DCTN6: variants seen among roughly 807,000 people sequenced by gnomAD.
DCTN6 encodes dynactin 6.
Under a neutral mutation model 25.8 loss-of-function variants are expected in DCTN6, and 15 were observed. That is an observed-to-expected ratio of 0.58 (90% CI 0.39 to 0.89). The LOEUF (loss-of-function observed/expected upper bound fraction) is 0.89, where lower values mean the gene tolerates loss of function less well. DCTN6 is among the 40% of genes least tolerant of loss of function. The pLI, the probability that DCTN6 is intolerant of heterozygous loss-of-function variation, is 0.00. For missense variants in DCTN6, 198 were observed against 237.6 expected (o/e 0.83, Z 1.09); for synonymous variants, 64 against 78.3 (o/e 0.82, Z 0.96).
chr8:30,169,891 G>A (rs1232897111), intron 2 of DCTN6, among the ~76,000 whole-genome samples: 1 of 152,200 alleles, frequency 6.6e-6, no homozygotes, highest in African/African-American at 2.4e-5. Context: ...AAGTTCACCA[G>A]GCCAGAGGCG....
chr8:30,175,132 G>C lies in DCTN6; in HGVS notation c.136G>C (p.Gly46Arg). ...TAAAGCAAGAATTATTGCGGAAGCCGGGCCAATAGTGATTGGCGAAGGGAA... is the reference window on the plus strand; with the variant it reads ...TAAAGCAAGAATTATTGCGGAAGCCCGGCCAATAGTGATTGGCGAAGGGAA... ...HPKARIIAEA[G>R]PIVIGEGNLI... is the part of the protein sequence containing the mutation. The change falls in exon 3 of 7, where the codon GGG becomes CGG. Residue 46 changes from glycine (G) to arginine (R), a missense_variant. By Grantham distance (125) the Gly-to-Arg change is moderately radical. Coordinates refer to ENST00000221114, the MANE Select transcript of DCTN6 (RefSeq NM_006571.4). 6.2e-7 allele frequency: 1 copy of C among 1,614,058 alleles called. No homozygotes were observed. Among genetic ancestry groups the C allele is most frequent in the Non-Finnish European group, 8.5e-7 (1 of 1,180,010 alleles).
rs1285440582 is a variant in DCTN6, at chr8:30,157,397, T to C, written c.23+991T>C. On this transcript the variant is annotated intron_variant, in intron 1 of 6. Coordinates refer to ENST00000221114, the MANE Select transcript of DCTN6 (RefSeq NM_006571.4). The stretch of plus-strand genomic sequence containing the variant: ...ATTGTGAATAGTACAGTGATAGTCA[T>C]AGGAGTGCAGTTGTCTTTTTAATAC... 2.4e-4 allele frequency among the ~76,000 whole-genome samples: 36 copies of C among 152,204 alleles called. 1 individual carries two copies. Among genetic ancestry groups the C allele is most frequent in the Admixed American group, 2.4e-3 (36 of 15,288 alleles).
chr8:30,162,000 G>A (rs995645692), intron 1 of DCTN6, among the ~76,000 whole-genome samples: 1 of 152,000 alleles, frequency 6.6e-6, no homozygotes, highest in Non-Finnish European at 1.5e-5. Context: ...GCCAGCCTTG[G>A]CCTCCCAAAG....
intron 2 of DCTN6, among the ~76,000 whole-genome samples, chr8:30,173,731 TAAAA>T (rs371782984): frequency 3.1e-5 from 3 of 96,046 alleles, no homozygotes; most frequent in Admixed American, 1.1e-4. Flanking sequence ...CCCTGTCTCT[TAAAA>T]AAAAAAAAAA....
At chr8:30,165,114 T>G (rs1390377818) in intron 2 of DCTN6, among the ~76,000 whole-genome samples, 2 of 152,222 alleles carry the variant, frequency 1.3e-5, no homozygotes, top group African/African-American at 4.8e-5. Flanking sequence ...CTCCTAGGTT[T>G]CTTGAAAGAA....
At chr8:30,170,066 G>C (rs1017898019) in intron 2 of DCTN6, among the ~76,000 whole-genome samples, 2 of 151,980 alleles carry the variant, frequency 1.3e-5, no homozygotes, top group East Asian at 3.9e-4. Flanking sequence ...CCAGCTACTC[G>C]GGAGGCTGAG....
chr8:30,182,242 CAG>C (rs1381934129), intron 6 of DCTN6, among the ~76,000 whole-genome samples: 1 of 152,072 alleles, frequency 6.6e-6, no homozygotes, highest in Non-Finnish European at 1.5e-5. Context: ...AAAGATTCCC[CAG>C]ACTTACTGAG....
chr8:30,161,819 T>C (rs1803600365), intron 1 of DCTN6, among the ~76,000 whole-genome samples: 1 of 150,012 alleles, frequency 6.7e-6, no homozygotes, highest in Admixed American at 6.7e-5. Flanking sequence ...GTAGTCTTGG[T>C]TCACTGCAAG....
Position 30,177,194 on chromosome 8 carries a change from A to G in DCTN6, c.263A>G (p.Asn88Ser). 1 of 1,613,710 alleles carries G rather than the reference A, an allele frequency of 6.2e-7. No individual in the cohort carries two copies. Among genetic ancestry groups the G allele is most frequent in the South Asian group, 1.1e-5 (1 of 91,074 alleles). Reference protein sequence around the residue: ...EPKPMIIGTNNVFEVGCYSQA... With the variant: ...EPKPMIIGTNSVFEVGCYSQA... The stretch of plus-strand genomic sequence containing the variant: ...AAACCTATGATCATTGGCACCAATA[A>G]TGTGTTTGAAGTTGGCTGTTGTATC... Residue 88 changes from asparagine to serine, a missense_variant, in exon 4 of 7, where the codon AAT (asparagine) becomes AGT (serine). Asn to Ser is a conservative substitution (Grantham distance 46, BLOSUM62 1). Coordinates refer to ENST00000221114, the MANE Select transcript of DCTN6 (RefSeq NM_006571.4).
intron 1 of DCTN6, among the ~76,000 whole-genome samples, chr8:30,162,066 A>G (rs7844678): frequency 0.87 from 131,597 of 151,604 alleles, 58,324 homozygotes; most frequent in Middle Eastern, 0.97. Context: ...TTACATAAGC[A>G]TTCTTGCACA....
intron 2 of DCTN6, among the ~76,000 whole-genome samples, chr8:30,172,051 T>C (rs1018392307): frequency 6.6e-6 from 1 of 152,206 alleles, no homozygotes; most frequent in Non-Finnish European, 1.5e-5. Context: ...ATAGAATATT[T>C]TGACGTAAAA....
At chr8:30,164,050 A>G (rs972607040) in intron 1 of DCTN6, 61 bp from the exon 2 acceptor site, 59 of 1,380,660 alleles carry the variant, frequency 4.3e-5, no homozygotes, top group Non-Finnish European at 6.0e-5. Flanking sequence ...ATGTCACGGT[A>G]GCTCCTCCAA....
intron 2 of DCTN6, 43 bp from the exon 3 acceptor site, chr8:30,175,042 C>T (rs1803812333): frequency 6.3e-7 from 1 of 1,583,420 alleles, no homozygotes; most frequent in Non-Finnish European, 8.6e-7. Context: ...CTGTTGGAAG[C>T]ATAGCCTCCA....
At chr8:30,168,955 T>G (rs913201117) in intron 2 of DCTN6, among the ~76,000 whole-genome samples, 2 of 152,242 alleles carry the variant, frequency 1.3e-5, no homozygotes, top group Non-Finnish European at 2.9e-5. Context: ...TAAATCTTTA[T>G]TTTGAGAGCT....
At chr8:30,180,972 G>C in intron 6 of DCTN6, 1 of 324,412 alleles carries the variant, frequency 3.1e-6, no homozygotes, top group Non-Finnish European at 5.6e-6. Context: ...GTTACCATGA[G>C]CCATGATCAT....
At chr8:30,163,913 G>A (rs1257745549) in intron 1 of DCTN6, among the ~76,000 whole-genome samples, 198 bp from the exon 2 acceptor site, 1 of 152,046 alleles carries the variant, frequency 6.6e-6, no homozygotes, top group Non-Finnish European at 1.5e-5. Context: ...TGTTGGTAAG[G>A]CTGGTGTCGA....
rs1223944451 is a variant in DCTN6 at position 30,177,196 on chromosome 8, G to A, written c.265G>A (p.Val89Met). The change falls in exon 4 of 7, where the codon GTG (valine) becomes ATG (methionine). Residue 89 changes from valine to methionine, a missense_variant. By Grantham distance (21) the Val-to-Met change is conservative. Coordinates refer to ENST00000221114, the MANE Select transcript of DCTN6 (RefSeq NM_006571.4). ...ACCTATGATCATTGGCACCAATAATGTGTTTGAAGTTGGCTGTTGTATCCT... is the reference window on the plus strand; with the variant it reads ...ACCTATGATCATTGGCACCAATAATATGTTTGAAGTTGGCTGTTGTATCCT... ...PKPMIIGTNN[V>M]FEVGCYSQAM... 1 of 1,613,504 alleles carries A rather than the reference G, an allele frequency of 6.2e-7. No homozygotes were observed. Among genetic ancestry groups the A allele is most frequent in the Non-Finnish European group, 8.5e-7 (1 of 1,179,730 alleles).
In DCTN6 at chr8:30,168,293, A is replaced by G. The variant is rs547060279; in HGVS notation, c.88+4118A>G. Among the ~76,000 whole-genome samples the G allele has an allele frequency of 2.6e-5, 4 of 152,364 alleles. No homozygotes were observed. The East Asian group carries it at 7.7e-4, about 29-fold the overall frequency. ...TGGGAATTTTTCAGAATTAGTAATT[A>G]GATAATCATTTTTGTCATTGTTATA... is the stretch of plus-strand genomic sequence containing the variant. On this transcript the variant is annotated intron_variant, in intron 2 of 6. Coordinates refer to ENST00000221114, the MANE Select transcript of DCTN6 (RefSeq NM_006571.4).
At chr8:30,160,092 T>C (rs1309921630) in intron 1 of DCTN6, among the ~76,000 whole-genome samples, 1 of 152,186 alleles carries the variant, frequency 6.6e-6, no homozygotes, top group Non-Finnish European at 1.5e-5. Context: ...GGGGACAAGA[T>C]GGCACCAGTT....
Sources: gnomAD v4.1 joint callset for allele counts (sites outside exome capture counted in the v4.1 genomes callset) on GRCh38, gnomAD v4.1.1 for gene constraint, MANE v1.5 for transcripts, NCBI Gene and HGNC (gene_info 2026-07-23, HGNC 2026-07-21) for gene names.